The following DOCK6 variants were observed in gnomAD, a reference collection of about 807,000 sequenced individuals.
DOCK6 encodes dedicator of cytokinesis 6.
In DOCK6, 167 loss-of-function variants were observed where a neutral mutation model predicts 230.3. The observed-to-expected ratio is 0.73, with a 90% confidence interval of 0.64 to 0.82. The LOEUF (loss-of-function observed/expected upper bound fraction) is 0.82, where lower values mean the gene tolerates loss of function less well. Among genes scored for constraint, DOCK6 ranks in the 40% least tolerant of loss-of-function variants. The pLI is 0.00. For synonymous variants in DOCK6, 1,148 were observed against 1,185.0 expected (o/e 0.97, Z 0.64); for missense variants, 2,598 against 2,825.8 (o/e 0.92, Z 1.83).
At chr19:11,231,299 C>T (rs141522865) in intron 22 of DOCK6, among the ~76,000 whole-genome samples, 2 of 150,960 alleles carry the variant, frequency 1.3e-5, no homozygotes, top group African/African-American at 2.4e-5. Context: ...CACCCACCCA[C>T]CCTTCCCTAG....
In DOCK6 at chr19:11,243,794, A is replaced by G; in HGVS notation, c.1104+8T>C. The stretch of plus-strand genomic sequence containing the variant: ...CTGTTGCCCCTAGTCCAGCCTCCAC[A>G]CGCTTACCTTGGCTGTGTCCACTTC... On this transcript the variant is annotated splice_region_variant and intron_variant, in intron 10 of 47. Transcript: ENST00000294618. This position sits in a 1 kb window ranked among gnomAD's most constrained non-coding sequence, Gnocchi z 6.3. The G allele has an allele frequency of 1.9e-6, 3 of 1,613,290 alleles. No individual in the cohort carries two copies. Among genetic ancestry groups the G allele is most frequent in the Non-Finnish European group, 2.5e-6 (3 of 1,179,654 alleles).
In DOCK6 at chr19:11,244,032, G is replaced by C. The variant is rs957556369; in HGVS notation, c.1024-150C>G. The stretch of plus-strand genomic sequence containing the variant: ...TCCAACACCTCCCATGGCTCCCGCT[G>C]TCCTTGGGATCAAGGGTTAGTGTTG... On this transcript the variant is annotated intron_variant, in intron 9 of 47. Transcript: ENST00000294618. The C allele has an allele frequency of 7.1e-6, 6 of 849,586 alleles. No individual in the cohort carries two copies. In the Admixed American group the frequency reaches 1.3e-4, roughly 18 times the overall value. The allele number at this position is 849,586 out of a possible 1,614,324, so 52.6% of individuals were successfully genotyped here. A position where few individuals can be genotyped will look rare whatever the true frequency, so the allele number is the denominator to read the frequency against.
chr19:11,217,630 C>A (rs1050530654), intron 28 of DOCK6, among the ~76,000 whole-genome samples: 4 of 150,592 alleles, frequency 2.7e-5, no homozygotes, highest in African/African-American at 9.7e-5. Context: ...TGGTGGCGGG[C>A]GCCTGTAATC....
intron 41 of DOCK6, chr19:11,203,197 T>C (rs1183183020): frequency 5.8e-6 from 1 of 172,928 alleles, no homozygotes; most frequent in Non-Finnish European, 1.3e-5. Flanking sequence ...AGCCCTAAGT[T>C]TGGAAGAAGG....
At chr19:11,260,648 G>T (rs960949103) in intron 1 of DOCK6, among the ~76,000 whole-genome samples, 1 of 151,062 alleles carries the variant, frequency 6.6e-6, no homozygotes, top group Non-Finnish European at 1.5e-5. Context: ...CAGCACTTTG[G>T]GAGGTGGGCG....
At position 11,202,171 on chromosome 19, in the gene DOCK6, C is replaced by T. The variant is rs1381309092; in HGVS notation, c.5452-46G>A. ...GAGGATCCCACAGCCCCAGCACGCA[C>T]AGCCCAAGCCCTGTTCCTGGAGAGA... On this transcript the variant is annotated intron_variant, in intron 43 of 47. Coordinates refer to ENST00000294618, the MANE Select transcript of DOCK6 (RefSeq NM_020812.4). The surrounding 1 kb of genome is among the most constrained non-coding windows in gnomAD (Gnocchi z 5.3). 1.9e-6 allele frequency: 3 copies of T among 1,581,348 alleles called. No homozygotes were observed. The Admixed American group carries it at 5.1e-5, about 27-fold the overall frequency.
intron 1 of DOCK6, among the ~76,000 whole-genome samples, chr19:11,259,631 C>G (rs550447366): frequency 4.2e-4 from 61 of 144,170 alleles, no homozygotes; most frequent in African/African-American, 1.5e-3. Flanking sequence ...GATCTCGGCT[C>G]ACTGCAACCT....
intron 31 of DOCK6, 50 bp from the exon 32 acceptor site, chr19:11,215,521 C>T (rs560650516): frequency 5.6e-5 from 86 of 1,537,416 alleles, no homozygotes; most frequent in Admixed American, 1.9e-4. Flanking sequence ...ACAGGGCACA[C>T]GTGAACATCA....
chr19:11,237,831 G>A lies in DOCK6; in HGVS notation c.1833-52C>T, dbSNP rs1599259443. The A allele has an allele frequency of 2.6e-6, 4 of 1,529,430 alleles. No homozygotes were observed. In the African/African-American group the frequency reaches 5.5e-5, roughly 21 times the overall value. The allele number at this position is 1,529,430 out of a possible 1,614,324, so 94.7% of individuals were successfully genotyped here. On this transcript the variant is annotated intron_variant, in intron 16 of 47. Transcript: ENST00000294618. ...CTGGGGGCTGGGGTCCCCACTGTCT[G>A]CCCCATCACCTCTGCCATGCCACGC...
chr19:11,213,322 C>G lies in DOCK6; in HGVS notation c.4345G>C (p.Glu1449Gln), dbSNP rs773987238. Residue 1449 changes from glutamate to glutamine, a missense_variant, in exon 35 of 48, where the codon GAG (glutamate) becomes CAG (glutamine). Glu to Gln is a conservative substitution (Grantham distance 29). Transcript: ENST00000294618. ...TQRALVSKFP[E>Q]LLFEEDTELC... ...TCCGTGTCCTCCTCGAACAGCAGCT[C>G]CGGGAACTGCCCCCAAGGACCCAGA... 6.2e-7 allele frequency: 1 copy of G among 1,610,640 alleles called. No homozygotes were observed. Among genetic ancestry groups the G allele is most frequent in the African/African-American group, 1.3e-5 (1 of 74,878 alleles).
chr19:11,228,533 T>G (rs554367251), intron 23 of DOCK6, among the ~76,000 whole-genome samples: 25 of 148,324 alleles, frequency 1.7e-4, no homozygotes, highest in African/African-American at 6.2e-4. Context: ...CTCAAATATC[T>G]CAGGTGCAAT....
chr19:11,252,654 T>C lies in DOCK6; in HGVS notation c.309-104A>G. 17 of 1,596,078 alleles carry C rather than the reference T, an allele frequency of 1.1e-5. No individual in the cohort carries two copies. In the South Asian group the frequency reaches 1.9e-4, roughly 18 times the overall value. On this transcript the variant is annotated intron_variant, in intron 3 of 47. Coordinates refer to ENST00000294618, the MANE Select transcript of DOCK6 (RefSeq NM_020812.4). ...CCTGCCTATTCCAGACAAGGGGAGA[T>C]GGAGGCTCAGAGAAAAAGCATGGCT...
chr19:11,239,707 A>AT, intron 14 of DOCK6: 1 of 1,613,602 alleles, frequency 6.2e-7, no homozygotes, highest in South Asian at 1.1e-5. Flanking sequence ...AGCGGCCCCC[A>AT]TGGGCGGCCC....
intron 39 of DOCK6, chr19:11,205,926 T>G (rs1360715264): frequency 6.6e-6 from 1 of 151,936 alleles, no homozygotes; most frequent in Non-Finnish European, 1.5e-5. Context: ...CACCTGGCCC[T>G]TCCTCTGAGG....
At chr19:11,230,966 C>T (rs1220467158) in intron 22 of DOCK6, among the ~76,000 whole-genome samples, 2 of 152,166 alleles carry the variant, frequency 1.3e-5, no homozygotes, top group African/African-American at 2.4e-5. Flanking sequence ...CTCTAGCTAC[C>T]CCAGTCCCAG....
At chr19:11,239,182 C>G (rs924722041) in intron 14 of DOCK6, among the ~76,000 whole-genome samples, 1 of 152,138 alleles carries the variant, frequency 6.6e-6, no homozygotes, top group Non-Finnish European at 1.5e-5. Flanking sequence ...GCCACCTGCA[C>G]CTGCCCCCTT....
chr19:11,240,582 CTTTTTTT>C, intron 14 of DOCK6, among the ~76,000 whole-genome samples: 1 of 136,354 alleles, frequency 7.3e-6, no homozygotes, highest in East Asian at 2.1e-4. Context: ...TCAATAAATT[CTTTTTTT>C]TTTTTTTTTT....
In DOCK6 at chr19:11,243,845, C is replaced by T; in HGVS notation, c.1061G>A (p.Cys354Tyr). 6.2e-7 allele frequency: 1 copy of T among 1,612,874 alleles called. No homozygotes were observed. The highest frequency in any genetic ancestry group is 1.1e-5 in the South Asian group (1 of 90,734). ...KVLQQGDISE[C>Y]CEPYMVLKEV... Reference sequence around the variant, plus strand: ...TTTCAACACCATGTAAGGCTCACAGCACTCACTGATGTCCCCTTGCTGAAG... The same window carrying T: ...TTTCAACACCATGTAAGGCTCACAGTACTCACTGATGTCCCCTTGCTGAAG... The change falls in exon 10 of 48, where the codon TGC (cysteine) becomes TAC (tyrosine). Residue 354 changes from cysteine (C) to tyrosine (Y), a missense_variant. Coordinates refer to ENST00000294618, the MANE Select transcript of DOCK6 (RefSeq NM_020812.4). The surrounding 1 kb of genome is among the most constrained non-coding windows in gnomAD (Gnocchi z 6.3).
intron 24 of DOCK6, among the ~76,000 whole-genome samples, chr19:11,225,631 AC>A (rs2079651579): frequency 1.3e-5 from 2 of 151,958 alleles, no homozygotes; most frequent in South Asian, 2.1e-4. Flanking sequence ...GTTTGAGGCT[AC>A]AGTGAGCCAT....
Sources: allele counts gnomAD v4.1 joint callset (sites outside exome capture counted in the v4.1 genomes callset), GRCh38; gene constraint gnomAD v4.1.1; non-coding constraint Gnocchi (gnomAD v3.1); transcripts MANE v1.5; gene names NCBI Gene and HGNC (gene_info 2026-07-23, HGNC 2026-07-21).